The following MOXD1 variants were observed in gnomAD, a reference collection of about 807,000 sequenced individuals.
The protein encoded by MOXD1 is DBH-like monooxygenase protein 1.
A neutral mutation model predicts 66.6 loss-of-function variants in MOXD1; 62 were observed. The ratio of observed to expected loss-of-function variants is 0.93; its 90% CI spans 0.76 to 1.15. The LOEUF is 1.15. MOXD1 is among the 50% of genes most tolerant of loss of function. The probability of loss-of-function intolerance (pLI) is 0.00; values close to 1 mark genes in which losing one functional copy is unlikely to be tolerated. For missense variants in MOXD1, 847 were observed against 754.6 expected, an observed-to-expected ratio of 1.12 and a Z score of -1.44; for synonymous variants, 303 against 281.9, an observed-to-expected ratio of 1.07 and a Z score of -0.75.
intron 9 of MOXD1, among the ~76,000 whole-genome samples, chr6:132,317,303 TG>T (rs1391237731): frequency 6.6e-6 from 1 of 152,180 alleles, no homozygotes; most frequent in Non-Finnish European, 1.5e-5. Context: ...CATGATGTTT[TG>T]CACTTGATGA....
At chr6:132,337,493 T>C (rs1374501621) in intron 4 of MOXD1, among the ~76,000 whole-genome samples, 2 of 152,252 alleles carry the variant, frequency 1.3e-5, no homozygotes, top group African/African-American at 4.8e-5. Context: ...CTCTACTACA[T>C]ACCTCTACTA....
chr6:132,322,298 T>A (rs1031609576), intron 8 of MOXD1, among the ~76,000 whole-genome samples: 4 of 152,170 alleles, frequency 2.6e-5, no homozygotes, highest in Non-Finnish European at 4.4e-5. Context: ...TCTAAAAATA[T>A]CCTATCTCTT....
intron 4 of MOXD1, among the ~76,000 whole-genome samples, chr6:132,351,713 T>C (rs1252206470): frequency 6.6e-6 from 1 of 152,152 alleles, no homozygotes; most frequent in Admixed American, 6.5e-5. Flanking sequence ...GTCAAAAAGA[T>C]TGGTACCAAT....
chr6:132,349,426 T>TATATAC (rs1562289957), intron 4 of MOXD1, among the ~76,000 whole-genome samples: 1 of 60,038 alleles, frequency 1.7e-5, no homozygotes, highest in East Asian at 5.2e-4. Flanking sequence ...TATATACATA[T>TATATAC]ATATATATAC....
At chr6:132,393,168 G>A (rs1007719341) in intron 1 of MOXD1, among the ~76,000 whole-genome samples, 1 of 152,040 alleles carries the variant, frequency 6.6e-6, no homozygotes, top group Non-Finnish European at 1.5e-5. Context: ...GTGTGTGTGT[G>A]TCAGACAGAG....
intron 1 of MOXD1, among the ~76,000 whole-genome samples, chr6:132,378,869 C>T (rs1240977635): frequency 2.7e-5 from 3 of 110,062 alleles, no homozygotes; most frequent in African/African-American, 9.1e-5. Flanking sequence ...GGACAGAACA[C>T]TTCCTCTTTT....
At chr6:132,322,077 A>G (rs916047206) in intron 8 of MOXD1, among the ~76,000 whole-genome samples, 5 of 152,212 alleles carry the variant, frequency 3.3e-5, no homozygotes, top group Admixed American at 6.5e-5. Flanking sequence ...GTAGAAAATT[A>G]TACTACAAGT....
chr6:132,332,822 TA>T (rs1244710981), intron 4 of MOXD1, among the ~76,000 whole-genome samples: 3 of 152,198 alleles, frequency 2.0e-5, no homozygotes, highest in African/African-American at 7.2e-5. Flanking sequence ...ACTTGTGTTT[TA>T]AACTATGTTA....
intron 4 of MOXD1, among the ~76,000 whole-genome samples, chr6:132,347,888 CTT>C: frequency 6.7e-6 from 1 of 149,636 alleles, no homozygotes; most frequent in East Asian, 1.9e-4. Context: ...ACTCTTCTCT[CTT>C]TTTTTTTTCT....
intron 1 of MOXD1, among the ~76,000 whole-genome samples, chr6:132,388,042 G>A (rs1776687697): frequency 6.6e-6 from 1 of 151,222 alleles, no homozygotes; most frequent in South Asian, 2.1e-4. Flanking sequence ...GTTTGACTTC[G>A]AAGTTTTTTC....
chr6:132,357,655 T>C (rs921174895), intron 4 of MOXD1, among the ~76,000 whole-genome samples: 1 of 152,140 alleles, frequency 6.6e-6, no homozygotes, highest in Non-Finnish European at 1.5e-5. Flanking sequence ...CTGTTCTAAA[T>C]TACTGGATAA....
chr6:132,326,439 G>A (rs1775189657), intron 6 of MOXD1, among the ~76,000 whole-genome samples: 1 of 151,806 alleles, frequency 6.6e-6, no homozygotes, highest in South Asian at 2.1e-4. Context: ...AGACTAAAAG[G>A]AAGAAGTAGT....
At chr6:132,345,136 A>C (rs60251774) in intron 4 of MOXD1, among the ~76,000 whole-genome samples, 2,507 of 152,302 alleles carry the variant, frequency 0.016, 83 homozygotes, top group African/African-American at 0.058. Context: ...GCATCGAAAA[A>C]CATCTTGTGT....
chr6:132,320,412 C>T (rs181808272), intron 9 of MOXD1, among the ~76,000 whole-genome samples: 107 of 152,218 alleles, frequency 7.0e-4, no homozygotes, highest in Non-Finnish European at 1.1e-3. Flanking sequence ...CAATTAATTA[C>T]ACTCCAAGTA....
chr6:132,299,116 T>A (rs1774473373), intron 10 of MOXD1, among the ~76,000 whole-genome samples: 2 of 152,262 alleles, frequency 1.3e-5, no homozygotes, highest in South Asian at 4.1e-4. Flanking sequence ...AGAAATCATG[T>A]CCTTTGCAGC....
intron 4 of MOXD1, among the ~76,000 whole-genome samples, chr6:132,345,283 T>A (rs1775648277): frequency 1.3e-5 from 2 of 152,200 alleles, no homozygotes; most frequent in African/African-American, 4.8e-5. Flanking sequence ...AGTGTTATAG[T>A]GTTTTTGAGA....
At chr6:132,392,245 G>A in intron 1 of MOXD1, 1 of 1,603,140 alleles carries the variant, frequency 6.2e-7, no homozygotes, top group Non-Finnish European at 8.5e-7. Flanking sequence ...CAATTACCCT[G>A]CTGCTGAAGA....
chr6:132,374,904 C>T, intron 1 of MOXD1, 127 bp from the exon 2 acceptor site: 1 of 924,358 alleles, frequency 1.1e-6, no homozygotes, highest in Non-Finnish European at 1.6e-6. Context: ...TTCCAAGGGG[C>T]TGGAGTATTC....
chr6:132,325,990 A>G (rs1222522211), intron 6 of MOXD1, among the ~76,000 whole-genome samples: 1 of 152,214 alleles, frequency 6.6e-6, no homozygotes, highest in African/African-American at 2.4e-5. Flanking sequence ...CTCTGGACAT[A>G]TCTTGCAAAA....
Sources: allele counts gnomAD v4.1 joint callset (sites outside exome capture counted in the v4.1 genomes callset), GRCh38; gene constraint gnomAD v4.1.1; transcripts MANE v1.5; gene names NCBI Gene and HGNC (gene_info 2026-07-23, HGNC 2026-07-21).